The following ANKRD33B variants were observed in gnomAD, a reference collection of about 807,000 sequenced individuals.
The protein encoded by ANKRD33B is ankyrin repeat domain-containing protein 33B.
ANKRD33B carries 6 observed loss-of-function variants against 21.5 expected under a neutral mutation model. The observed-to-expected ratio is 0.28, with a 90% confidence interval of 0.15 to 0.55. ANKRD33B has a LOEUF of 0.55. Among genes scored for constraint, ANKRD33B ranks in the 20% least tolerant of loss-of-function variants. ANKRD33B has a pLI of 0.94. For missense variants in ANKRD33B, 698 were observed against 747.2 expected (o/e 0.93, Z 0.77); for synonymous variants, 347 against 342.4 (o/e 1.01, Z -0.15).
chr5:10,574,015 G>C (rs1006936617), intron 1 of ANKRD33B, among the ~76,000 whole-genome samples: 1 of 152,168 alleles, frequency 6.6e-6, no homozygotes, highest in African/African-American at 2.4e-5. Flanking sequence ...CCTCCTCTCA[G>C]TCATGCTCTT....
chr5:10,573,953 C>G (rs1046742383), intron 1 of ANKRD33B, among the ~76,000 whole-genome samples: 1 of 152,210 alleles, frequency 6.6e-6, no homozygotes, highest in African/African-American at 2.4e-5. Flanking sequence ...ATCAGATCTA[C>G]AAACAGGTAA....
intron 1 of ANKRD33B, among the ~76,000 whole-genome samples, chr5:10,615,427 C>T (rs1189417395): frequency 6.6e-6 from 1 of 152,170 alleles, no homozygotes; most frequent in African/African-American, 2.4e-5. Flanking sequence ...AAGTGAGAAA[C>T]AGATCATCTG....
At chr5:10,645,056 G>A (rs1367080528) in intron 3 of ANKRD33B, among the ~76,000 whole-genome samples, 1 of 152,222 alleles carries the variant, frequency 6.6e-6, no homozygotes, top group Non-Finnish European at 1.5e-5. Context: ...GAGGGGAGAT[G>A]AGAACTTTGA....
chr5:10,570,467 A>G (rs1231332154), intron 1 of ANKRD33B, among the ~76,000 whole-genome samples: 1 of 151,230 alleles, frequency 6.6e-6, no homozygotes, highest in Admixed American at 6.6e-5. Flanking sequence ...GCAGGGTTCC[A>G]GGAGAGCAGG....
chr5:10,642,028 G>T (rs1484267814), intron 3 of ANKRD33B, among the ~76,000 whole-genome samples: 1 of 152,168 alleles, frequency 6.6e-6, no homozygotes, highest in Non-Finnish European at 1.5e-5. Flanking sequence ...TTATAATTGG[G>T]CGTAGATGTT....
intron 1 of ANKRD33B, among the ~76,000 whole-genome samples, chr5:10,596,117 A>G (rs1160942636): frequency 1.3e-5 from 2 of 152,270 alleles, no homozygotes; most frequent in African/African-American, 2.4e-5. Context: ...TTAATTATGT[A>G]CCAGCACCCT....
At chr5:10,610,401 GC>G (rs200203509) in intron 1 of ANKRD33B, among the ~76,000 whole-genome samples, 3,876 of 146,408 alleles carry the variant, frequency 0.026, 95 homozygotes, top group Middle Eastern at 0.038. Context: ...ACAGGGGACA[GC>G]CCCCCCCCCG....
At chr5:10,608,581 C>T (rs962578913) in intron 1 of ANKRD33B, among the ~76,000 whole-genome samples, 2 of 150,530 alleles carry the variant, frequency 1.3e-5, no homozygotes, top group Admixed American at 6.6e-5. Context: ...TGGATGTGTT[C>T]ATATATTGTG....
intron 3 of ANKRD33B, among the ~76,000 whole-genome samples, chr5:10,643,373 A>G (rs1404091966): frequency 1.3e-5 from 2 of 152,114 alleles, no homozygotes; most frequent in African/African-American, 4.8e-5. Context: ...ATGTTGCTCA[A>G]AGTCTCCCAG....
At chr5:10,643,819 CAAAAAAAAA>C (rs374365829) in intron 3 of ANKRD33B, among the ~76,000 whole-genome samples, 2 of 89,614 alleles carry the variant, frequency 2.2e-5, no homozygotes, top group Non-Finnish European at 2.1e-5. Flanking sequence ...GACTCTGTCT[CAAAAAAAAA>C]AAAAAAAAAA....
At position 10,564,306 on chromosome 5, in the gene ANKRD33B, C is replaced by T. The variant is rs1425735267; in HGVS notation, c.-162C>T. 2.1e-5 allele frequency: 8 copies of T among 379,200 alleles called. No individual in the cohort carries two copies. Among genetic ancestry groups the T allele is most frequent in the Non-Finnish European group, 2.6e-5 (7 of 273,852 alleles). The allele number at this position is 379,200 out of a possible 1,614,324, so 23.5% of individuals were successfully genotyped here. A position where few individuals can be genotyped will look rare whatever the true frequency, so the allele number is the denominator to read the frequency against. ...TCGCTCAGCCTCCGGAGACTTTTTTCTTTGAGCGCAGCCGCCTGGTGCCGG... is the reference window on the plus strand; with the variant it reads ...TCGCTCAGCCTCCGGAGACTTTTTTTTTTGAGCGCAGCCGCCTGGTGCCGG... On this transcript the variant is annotated 5_prime_UTR_variant, in exon 1 of 4. Coordinates refer to ENST00000296657, the MANE Select transcript of ANKRD33B (RefSeq NM_001164440.2).
At chr5:10,604,654 G>T (rs1186182868) in intron 1 of ANKRD33B, among the ~76,000 whole-genome samples, 4 of 151,866 alleles carry the variant, frequency 2.6e-5, no homozygotes, top group African/African-American at 9.7e-5. Flanking sequence ...ACATCTAGTA[G>T]ATCTCAATGG....
Position 10,650,174 on chromosome 5 carries a change from C to G in ANKRD33B, c.*61C>G. On this transcript the variant is annotated 3_prime_UTR_variant, in exon 4 of 4. Coordinates refer to ENST00000296657, the MANE Select transcript of ANKRD33B (RefSeq NM_001164440.2). ...GCCGGGGCGGGGCCGCAGGGCTGGG[C>G]GCGGAGAAGGAGGCGGCCCCGTTGC... 1.4e-6 allele frequency: 2 copies of G among 1,395,626 alleles called. No homozygotes were observed. The highest frequency in any genetic ancestry group is 3.1e-5 in the South Asian group (2 of 64,454). 86.5% of individuals were successfully genotyped at this position (1,395,626 alleles called of 1,614,324 possible).
At chr5:10,585,250 G>A (rs1735528702) in intron 1 of ANKRD33B, among the ~76,000 whole-genome samples, 1 of 152,178 alleles carries the variant, frequency 6.6e-6, no homozygotes, top group Admixed American at 6.5e-5. Flanking sequence ...CTCTGGTTGT[G>A]GTGAGCTCGT....
intron 2 of ANKRD33B, among the ~76,000 whole-genome samples, chr5:10,632,348 C>T (rs1736741960): frequency 6.6e-6 from 1 of 152,138 alleles, no homozygotes; most frequent in Admixed American, 6.5e-5. Flanking sequence ...GGGGAAGAGT[C>T]AACCGGGAAG....
chr5:10,573,828 C>T (rs923189164), intron 1 of ANKRD33B, among the ~76,000 whole-genome samples: 2 of 152,232 alleles, frequency 1.3e-5, no homozygotes, highest in Non-Finnish European at 2.9e-5. Context: ...CCTCCTCTGA[C>T]ATGTGGGAAT....
At chr5:10,607,504 A>G (rs1211500282) in intron 1 of ANKRD33B, among the ~76,000 whole-genome samples, 1 of 152,258 alleles carries the variant, frequency 6.6e-6, no homozygotes, top group African/African-American at 2.4e-5. Flanking sequence ...GGGTGGGGAA[A>G]TGCAATTTTA....
chr5:10,564,710 A>G lies in ANKRD33B; in HGVS notation c.243A>G (p.Glu81=), dbSNP rs891258071. The change falls in exon 1 of 4, where the codon GAA becomes GAG. Residue 81 remains glutamate, a synonymous_variant. Coordinates refer to ENST00000296657, the MANE Select transcript of ANKRD33B (RefSeq NM_001164440.2). ...SAESVPEGVP[E]SVPETATLLR... is the part of the protein sequence containing the mutation. ...AGAGCGTCCCGGAGGGCGTCCCGGA[A>G]AGCGTCCCGGAGACGGCGACCCTCC... 65 of 1,533,558 alleles carry G rather than the reference A, an allele frequency of 4.2e-5. No homozygotes were observed. Among genetic ancestry groups the G allele is most frequent in the Non-Finnish European group, 5.6e-5 (64 of 1,145,748 alleles). 95.0% of individuals were successfully genotyped at this position (1,533,558 alleles called of 1,614,324 possible). A position where few individuals can be genotyped will look rare whatever the true frequency, so the allele number is the denominator to read the frequency against.
Position 10,649,850 on chromosome 5 carries a change from C to T in ANKRD33B, c.1222C>T (p.Pro408Ser), listed in dbSNP as rs772940598. Residue 408 changes from proline (P) to serine (S), a missense_variant, in exon 4 of 4, where the codon CCC becomes TCC. Physicochemically the swap from Pro to Ser is moderately conservative, Grantham distance 74. Coordinates refer to ENST00000296657, the MANE Select transcript of ANKRD33B (RefSeq NM_001164440.2). ...CGCCCCGCGGAAGGCCAGCCTCCTG[C>T]CCCTGCAGCGCCTGCGGCGGAGAAG... The part of the protein sequence containing the change: ...APAPRKASLL[P>S]LQRLRRRSVR... 5.4e-5 allele frequency: 76 copies of T among 1,419,844 alleles called. No individual in the cohort carries two copies. The East Asian group carries it at 2.3e-3, about 43-fold the overall frequency. 88.0% of individuals were successfully genotyped at this position (1,419,844 alleles called of 1,614,324 possible). A position where few individuals can be genotyped will look rare whatever the true frequency, so the allele number is the denominator to read the frequency against.
Sources: allele counts gnomAD v4.1 joint callset (sites outside exome capture counted in the v4.1 genomes callset), GRCh38; gene constraint gnomAD v4.1.1; transcripts MANE v1.5; gene names NCBI Gene and HGNC (gene_info 2026-07-23, HGNC 2026-07-21).